RAD18: variants seen among roughly 807,000 people sequenced by gnomAD.
RAD18 encodes the protein E3 ubiquitin-protein ligase RAD18.
RAD18 carries 47 observed loss-of-function variants against 60.4 expected under a neutral mutation model. The ratio of observed to expected loss-of-function variants is 0.78; its 90% CI spans 0.62 to 0.99. The LOEUF (loss-of-function observed/expected upper bound fraction) is 0.99, where lower values mean the gene tolerates loss of function less well. RAD18 is among the 50% of genes least tolerant of loss of function. The pLI, the probability that RAD18 is intolerant of heterozygous loss-of-function variation, is 0.00. For synonymous variants in RAD18, 225 were observed against 195.5 expected (o/e 1.15, Z -1.26); for missense variants, 640 against 593.3 (o/e 1.08, Z -0.82).
intron 1 of RAD18, 34 bp from the exon 2 acceptor site, chr3:8,959,035 A>G: frequency 6.4e-7 from 1 of 1,556,060 alleles, no homozygotes; most frequent in Non-Finnish European, 8.8e-7. Flanking sequence ...ACATATCAGA[A>G]AGACATCAAA....
Position 8,879,048 on chromosome 3 carries a change from T to A in RAD18, c.*2309A>T, listed in dbSNP as rs1055716995. The A allele has an allele frequency of 6.6e-6, 1 of 152,236 alleles. No individual in the cohort carries two copies. Among genetic ancestry groups the A allele is most frequent in the Admixed American group, 6.5e-5 (1 of 15,286 alleles). The allele number at this position is 152,236 out of a possible 1,614,324, so 9.4% of individuals were successfully genotyped here. A position where few individuals can be genotyped will look rare whatever the true frequency, so the allele number is the denominator to read the frequency against. On this transcript the variant is annotated 3_prime_UTR_variant, in exon 13 of 13. Transcript: ENST00000264926. ...CAATGTATGAATATTAAACATATGC[T>A]AAGTGCTAACAGATAGTGCTCAATA...
At chr3:8,935,686 G>A (rs987343951) in intron 7 of RAD18, among the ~76,000 whole-genome samples, 185 bp downstream of exon 7, 7 of 152,308 alleles carry the variant, frequency 4.6e-5, no homozygotes, top group Admixed American at 6.5e-5. Flanking sequence ...GGATTGGAAG[G>A]CAGGCTGAGA....
At chr3:8,951,557 A>G (rs145685645) in intron 2 of RAD18, among the ~76,000 whole-genome samples, 76 of 152,370 alleles carry the variant, frequency 5.0e-4, no homozygotes, top group African/African-American at 1.8e-3. Flanking sequence ...AAGGAAGAGT[A>G]CTGGAGAAGG....
chr3:8,914,959 A>C (rs1290143835), intron 7 of RAD18, among the ~76,000 whole-genome samples: 1 of 152,088 alleles, frequency 6.6e-6, no homozygotes, highest in Non-Finnish European at 1.5e-5. Context: ...TAACACGATG[A>C]AACCCCGTCT....
chr3:8,898,993 TC>T lies in RAD18; in HGVS notation c.1222del (p.Asp408ThrfsTer40). On this transcript the variant is annotated frameshift_variant, in exon 11 of 13. Transcript: ENST00000264926. LOFTEE classifies it high-confidence loss of function. ...VTNHFSQSKL[D>X]SPEELEPDRE... is the part of the protein sequence containing the mutation. ...GTCAGGTTCCAATTCCTCTGGGGAGTCCAGCTTTGATTGAGAAAAGTGGTTT... is the reference window on the plus strand; with the variant it reads ...GTCAGGTTCCAATTCCTCTGGGGAGTCAGCTTTGATTGAGAAAAGTGGTTT... 6.2e-7 allele frequency: 1 copy of T among 1,608,602 alleles called. No homozygotes were observed. Among genetic ancestry groups the T allele is most frequent in the Non-Finnish European group, 8.5e-7 (1 of 1,176,652 alleles).
chr3:8,896,228 T>C (rs1038463483), intron 11 of RAD18, among the ~76,000 whole-genome samples: 2 of 152,238 alleles, frequency 1.3e-5, no homozygotes, highest in African/African-American at 4.8e-5. Flanking sequence ...ACACTGATAA[T>C]TTTTAACTTT....
intron 7 of RAD18, among the ~76,000 whole-genome samples, chr3:8,915,147 C>CAAAAAAAA (rs373157801): frequency 9.9e-5 from 10 of 101,414 alleles, no homozygotes; most frequent in African/African-American, 3.0e-4. Flanking sequence ...GACTCCGTCT[C>CAAAAAAAA]AAAAAAAAAA....
intron 9 of RAD18, among the ~76,000 whole-genome samples, chr3:8,906,958 T>C (rs1940017645): frequency 6.6e-6 from 1 of 152,244 alleles, no homozygotes; most frequent in African/African-American, 2.4e-5. Context: ...AAGGGCTTTG[T>C]TACTGATTTC....
intron 11 of RAD18, among the ~76,000 whole-genome samples, chr3:8,895,210 G>T (rs913535892): frequency 5.9e-5 from 9 of 151,836 alleles, no homozygotes; most frequent in Non-Finnish European, 1.3e-4. Flanking sequence ...CCACAAAAAA[G>T]GCTATAATAA....
chr3:8,927,189 C>A (rs1940457198), intron 7 of RAD18, among the ~76,000 whole-genome samples: 1 of 152,178 alleles, frequency 6.6e-6, no homozygotes, highest in African/African-American at 2.4e-5. Flanking sequence ...CCAGAATCTA[C>A]AATGAACTCC....
At chr3:8,922,202 G>C (rs555799728) in intron 7 of RAD18, among the ~76,000 whole-genome samples, 1 of 152,258 alleles carries the variant, frequency 6.6e-6, no homozygotes, top group Non-Finnish European at 1.5e-5. Context: ...GGAAAGGGAT[G>C]ACAGATGGCA....
chr3:8,930,089 T>A (rs1218034846), intron 7 of RAD18, among the ~76,000 whole-genome samples: 1 of 152,076 alleles, frequency 6.6e-6, no homozygotes, highest in Non-Finnish European at 1.5e-5. Flanking sequence ...ACAATAGAAA[T>A]GAAAACATAT....
chr3:8,910,105 A>G (rs1476292468), intron 9 of RAD18, among the ~76,000 whole-genome samples: 4 of 152,202 alleles, frequency 2.6e-5, no homozygotes, highest in African/African-American at 9.6e-5. Flanking sequence ...TATTAACAGA[A>G]GGCAAAAAGG....
intron 7 of RAD18, among the ~76,000 whole-genome samples, chr3:8,934,803 G>A (rs1030023606): frequency 4.6e-5 from 7 of 152,196 alleles, no homozygotes; most frequent in African/African-American, 1.7e-4. Flanking sequence ...TAGAGGAAAA[G>A]TGGGAACAAA....
Position 8,935,175 on chromosome 3 carries a change from C to T in RAD18, c.889+696G>A, listed in dbSNP as rs549199338. ...TTGTGATAATTCACCAAACAATACA[C>T]TTATAATTTGTGTGTTTTAATGTTT... is the stretch of plus-strand genomic sequence containing the variant. On this transcript the variant is annotated intron_variant, in intron 7 of 12. Coordinates refer to ENST00000264926, the MANE Select transcript of RAD18 (RefSeq NM_020165.4). Among the ~76,000 whole-genome samples the T allele has an allele frequency of 2.0e-5, 3 of 152,274 alleles. No individual in the cohort carries two copies. In the South Asian group the frequency reaches 6.2e-4, roughly 32 times the overall value.
chr3:8,949,975 G>A (rs1049739701), intron 2 of RAD18, among the ~76,000 whole-genome samples: 6 of 152,180 alleles, frequency 3.9e-5, no homozygotes, highest in Non-Finnish European at 7.4e-5. Context: ...CCAGGAGTAG[G>A]AGGGTAAAAG....
intron 1 of RAD18, among the ~76,000 whole-genome samples, chr3:8,963,049 G>A (rs1941116085): frequency 6.6e-6 from 1 of 152,160 alleles, no homozygotes; most frequent in Admixed American, 6.5e-5. Flanking sequence ...GTCATTGTTT[G>A]GAATAACTGT....
At position 8,890,374 on chromosome 3, in the gene RAD18, A is replaced by C; in HGVS notation, c.1385+15T>G. The C allele has an allele frequency of 1.3e-6, 2 of 1,552,484 alleles. No individual in the cohort carries two copies. Among genetic ancestry groups the C allele is most frequent in the Non-Finnish European group, 1.8e-6 (2 of 1,124,428 alleles). ...GGTCAAAGTGCATGCTTATTTCATG[A>C]TTATGAGAACTCACTTATGTGATGC... is the stretch of plus-strand genomic sequence containing the variant. On this transcript the variant is annotated intron_variant, in intron 12 of 12. Coordinates refer to ENST00000264926, the MANE Select transcript of RAD18 (RefSeq NM_020165.4).
rs1446429649 is a variant in RAD18, at chr3:8,880,767, T to A, written c.*590A>T. The stretch of plus-strand genomic sequence containing the variant: ...GTAGCTTTAAATTATAATACTAATA[T>A]CCTACTCTGAGAAATGTGTAAGACA... On this transcript the variant is annotated 3_prime_UTR_variant, in exon 13 of 13. Coordinates refer to ENST00000264926, the MANE Select transcript of RAD18 (RefSeq NM_020165.4). The A allele has an allele frequency of 2.0e-5, 3 of 152,202 alleles. No individual in the cohort carries two copies. Among genetic ancestry groups the A allele is most frequent in the African/African-American group, 7.2e-5 (3 of 41,454 alleles). 9.4% of individuals were successfully genotyped at this position (152,202 alleles called of 1,614,324 possible).
Sources: allele counts gnomAD v4.1 joint callset (sites outside exome capture counted in the v4.1 genomes callset), GRCh38; gene constraint gnomAD v4.1.1; transcripts MANE v1.5; gene names NCBI Gene and HGNC (gene_info 2026-07-23, HGNC 2026-07-21).